STX8: variants seen among roughly 807,000 people sequenced by gnomAD.
The protein encoded by STX8 is syntaxin-8.
A neutral mutation model predicts 37.5 loss-of-function variants in STX8; 23 were observed. That is an observed-to-expected ratio of 0.61 (90% CI 0.44 to 0.87). The LOEUF (loss-of-function observed/expected upper bound fraction) is 0.87, where lower values mean the gene tolerates loss of function less well. Among genes scored for constraint, STX8 ranks in the 40% least tolerant of loss-of-function variants. STX8 has a pLI of 0.00. For synonymous variants in STX8, 115 were observed against 99.1 expected (o/e 1.16, Z -0.95); for missense variants, 313 against 284.7 (o/e 1.10, Z -0.71).
intron 6 of STX8, among the ~76,000 whole-genome samples, chr17:9,400,561 C>T (rs1164808063): frequency 1.3e-5 from 2 of 151,982 alleles, no homozygotes; most frequent in African/African-American, 2.4e-5. Context: ...CACACCACCA[C>T]GCCTGGCTAA....
chr17:9,558,768 A>G (rs1048078439), intron 2 of STX8, among the ~76,000 whole-genome samples: 3 of 151,890 alleles, frequency 2.0e-5, no homozygotes, highest in Non-Finnish European at 4.4e-5. Flanking sequence ...GCTTGCAGTG[A>G]GCCGAGATCG....
chr17:9,333,243 C>A (rs1597609990), intron 7 of STX8, among the ~76,000 whole-genome samples: 1 of 152,050 alleles, frequency 6.6e-6, no homozygotes, highest in African/African-American at 2.4e-5. Flanking sequence ...TCAGCCTTTG[C>A]TCCCCTCCCT....
intron 7 of STX8, among the ~76,000 whole-genome samples, chr17:9,251,306 TCC>T (rs1473779429): frequency 6.6e-6 from 1 of 152,238 alleles, no homozygotes; most frequent in Non-Finnish European, 1.5e-5. Flanking sequence ...CATTGCCTGT[TCC>T]TTCACCTGAT....
chr17:9,368,825 G>A (rs931502749), intron 7 of STX8, among the ~76,000 whole-genome samples: 2 of 152,046 alleles, frequency 1.3e-5, no homozygotes, highest in African/African-American at 4.8e-5. Flanking sequence ...CTGAGCCCTT[G>A]GCTGACTCAG....
At chr17:9,407,175 C>G (rs965714512) in intron 6 of STX8, among the ~76,000 whole-genome samples, 14 of 152,146 alleles carry the variant, frequency 9.2e-5, no homozygotes, top group African/African-American at 3.4e-4. Context: ...ATGCCATGAT[C>G]AGAACTATAT....
intron 7 of STX8, among the ~76,000 whole-genome samples, chr17:9,353,484 G>A (rs936784270): frequency 1.3e-5 from 2 of 152,124 alleles, no homozygotes; most frequent in Non-Finnish European, 2.9e-5. Flanking sequence ...ACTTAAAGTA[G>A]CAGCCCACCA....
At chr17:9,418,869 A>G (rs1913309964) in intron 6 of STX8, among the ~76,000 whole-genome samples, 1 of 138,904 alleles carries the variant, frequency 7.2e-6, no homozygotes, top group East Asian at 2.1e-4. Flanking sequence ...GGAGAGGAAC[A>G]TTTGAGAATG....
intron 4 of STX8, among the ~76,000 whole-genome samples, chr17:9,538,783 CAATT>C (rs1567602402): frequency 2.0e-5 from 3 of 152,130 alleles, no homozygotes; most frequent in Non-Finnish European, 2.9e-5. Flanking sequence ...AAAGCTTAGC[CAATT>C]AGCCACCCAC....
At chr17:9,288,458 G>A (rs1038146037) in intron 7 of STX8, among the ~76,000 whole-genome samples, 1 of 151,678 alleles carries the variant, frequency 6.6e-6, no homozygotes, top group Non-Finnish European at 1.5e-5. Flanking sequence ...TCAAGAGATC[G>A]AGACCATCCT....
chr17:9,559,756 A>ATTTTTTTT (rs1214621506), intron 2 of STX8, among the ~76,000 whole-genome samples: 8 of 31,140 alleles, frequency 2.6e-4, no homozygotes, highest in African/African-American at 7.0e-4. Flanking sequence ...ATATATATAT[A>ATTTTTTTT]TATATTTTTT....
In STX8 at chr17:9,250,573, T is replaced by C; in HGVS notation, c.*5A>G. 6.3e-7 allele frequency: 1 copy of C among 1,588,730 alleles called. No individual in the cohort carries two copies. The highest frequency in any genetic ancestry group is 8.6e-7 in the Non-Finnish European group (1 of 1,167,458). On this transcript the variant is annotated 3_prime_UTR_variant, in exon 8 of 8. Transcript: ENST00000306357. ...GTGTCACTGCTGGTGGTCTCTTTAC[T>C]GCCATCAGTTGGTCGGCCAGACTGC... is the stretch of plus-strand genomic sequence containing the variant.
At chr17:9,445,836 T>C (rs1904830112) in intron 6 of STX8, among the ~76,000 whole-genome samples, 2 of 145,292 alleles carry the variant, frequency 1.4e-5, no homozygotes, top group African/African-American at 2.6e-5. Flanking sequence ...TTTTCTTTTT[T>C]TCTCTTTTTT....
At chr17:9,354,215 A>T (rs1910801668) in intron 7 of STX8, among the ~76,000 whole-genome samples, 1 of 152,094 alleles carries the variant, frequency 6.6e-6, no homozygotes, top group South Asian at 2.1e-4. Context: ...AACATCTAAC[A>T]ATTACGTTAT....
chr17:9,562,292 G>C (rs1342291978), intron 2 of STX8, among the ~76,000 whole-genome samples: 1 of 151,874 alleles, frequency 6.6e-6, no homozygotes, highest in African/African-American at 2.4e-5. Context: ...TGTAGCCCCA[G>C]CTACTTGGGA....
At chr17:9,423,613 C>T (rs1357422350) in intron 6 of STX8, among the ~76,000 whole-genome samples, 4 of 152,274 alleles carry the variant, frequency 2.6e-5, no homozygotes, top group East Asian at 1.9e-4. Flanking sequence ...TGAGAACCAC[C>T]GTGCCCGGCC....
chr17:9,413,522 T>C (rs950040386), intron 6 of STX8, among the ~76,000 whole-genome samples: 2 of 152,202 alleles, frequency 1.3e-5, no homozygotes, highest in African/African-American at 2.4e-5. Flanking sequence ...GAGCATCAGA[T>C]TGTAATTGCA....
At chr17:9,403,878 C>G (rs1452295317) in intron 6 of STX8, among the ~76,000 whole-genome samples, 1 of 152,028 alleles carries the variant, frequency 6.6e-6, no homozygotes, top group Non-Finnish European at 1.5e-5. Context: ...GAACTCCTGA[C>G]CTCATGATCT....
rs149037548 is a variant in STX8, at chr17:9,253,876, G to T, written c.644-3231C>A. Among the ~76,000 whole-genome samples, 527 of 152,272 alleles carry T rather than the reference G, an allele frequency of 3.5e-3. 2 individuals carry two copies. Among genetic ancestry groups the T allele is most frequent in the African/African-American group, 0.012 (504 of 41,552 alleles). ...AGAAATCAAGAACAACAACTGATTG[G>T]GAAGAAGAAAACACACATCTGGTTT... On this transcript the variant is annotated intron_variant, in intron 7 of 7. Transcript: ENST00000306357.
chr17:9,449,521 A>G (rs2142399974), intron 6 of STX8, among the ~76,000 whole-genome samples: 1 of 152,312 alleles, frequency 6.6e-6, no homozygotes, highest in East Asian at 1.9e-4. Flanking sequence ...AGATGGAGCC[A>G]CTGCACTCCA....
Sources: allele counts gnomAD v4.1 joint callset (sites outside exome capture counted in the v4.1 genomes callset), GRCh38; gene constraint gnomAD v4.1.1; transcripts MANE v1.5; gene names NCBI Gene and HGNC (gene_info 2026-07-23, HGNC 2026-07-21).